The following EYA3 variants were observed in gnomAD, a reference collection of about 807,000 sequenced individuals.
EYA3 encodes the protein EYA transcriptional coactivator and phosphatase 3.
In EYA3, 39 loss-of-function variants were observed where a neutral mutation model predicts 80.0. That is an observed-to-expected ratio of 0.49 (90% confidence interval 0.38 to 0.64). EYA3 has a LOEUF of 0.64. EYA3 is among the 30% of genes least tolerant of loss of function. EYA3 has a pLI of 0.00. For synonymous variants in EYA3, 206 were observed against 232.8 expected (o/e 0.88, Z 1.05); for missense variants, 523 against 676.1 (o/e 0.77, Z 2.51).
intron 17 of EYA3, chr1:27,977,272 A>C (rs1475840065): frequency 2.6e-6 from 4 of 1,544,928 alleles, no homozygotes; most frequent in Non-Finnish European, 3.5e-6. Context: ...ATGCCAACTG[A>C]TTACCAATCT....
intron 10 of EYA3, among the ~76,000 whole-genome samples, chr1:28,005,588 G>GC (rs1488369404): frequency 6.6e-6 from 1 of 151,916 alleles, no homozygotes; most frequent in Non-Finnish European, 1.5e-5. Context: ...GGTGGTGCAT[G>GC]CCGGTAGTCC....
chr1:28,087,215 G>A (rs527474617), intron 1 of EYA3, among the ~76,000 whole-genome samples: 1 of 152,252 alleles, frequency 6.6e-6, no homozygotes, highest in African/African-American at 2.4e-5. Flanking sequence ...GGGAAAGGGA[G>A]CACTAACCAT....
intron 11 of EYA3, among the ~76,000 whole-genome samples, chr1:28,002,759 CTG>C (rs1640961437): frequency 6.6e-6 from 1 of 151,974 alleles, no homozygotes; most frequent in African/African-American, 2.4e-5. Flanking sequence ...CTGCAGTGAG[CTG>C]TGTTTGCGCC....
intron 2 of EYA3, among the ~76,000 whole-genome samples, chr1:28,053,026 C>A (rs963486584): frequency 6.6e-6 from 1 of 151,568 alleles, no homozygotes; most frequent in Admixed American, 6.6e-5. Flanking sequence ...TGGTGGCTCA[C>A]ACCTGTAATC....
At chr1:28,014,718 ACT>A (rs57378639) in intron 8 of EYA3, among the ~76,000 whole-genome samples, 35,130 of 150,084 alleles carry the variant, frequency 0.23, 4,206 homozygotes, top group Non-Finnish European at 0.27. Context: ...ACAGAGCAAG[ACT>A]CTGTCTCAAA....
intron 1 of EYA3, among the ~76,000 whole-genome samples, 195 bp from the exon 2 acceptor site, chr1:28,058,289 T>A (rs1447358343): frequency 2.0e-5 from 3 of 152,168 alleles, no homozygotes; most frequent in Non-Finnish European, 4.4e-5. Flanking sequence ...CACAATGACT[T>A]TTATAATACC....
chr1:28,087,524 T>C (rs1645700224), intron 1 of EYA3, among the ~76,000 whole-genome samples: 1 of 152,218 alleles, frequency 6.6e-6, no homozygotes, highest in Non-Finnish European at 1.5e-5. Context: ...ATTACTATAG[T>C]GAACTCTTCA....
At chr1:28,086,299 A>C (rs553487166) in intron 1 of EYA3, among the ~76,000 whole-genome samples, 1 of 152,036 alleles carries the variant, frequency 6.6e-6, no homozygotes, top group East Asian at 1.9e-4. Context: ...CTGTAACCTC[A>C]AAATCTTGGG....
At chr1:27,989,866 G>A (rs1639915767) in intron 14 of EYA3, 55 bp from the exon 15 acceptor site, 5 of 1,098,994 alleles carry the variant, frequency 4.5e-6, no homozygotes, top group African/African-American at 1.6e-5. Context: ...TTTGCTGACA[G>A]TGAGAAAGCA....
chr1:28,035,397 T>C, intron 6 of EYA3, 147 bp downstream of exon 6: 1 of 747,884 alleles, frequency 1.3e-6, no homozygotes, highest in South Asian at 2.1e-5. Flanking sequence ...GATTTTTTTA[T>C]TACATGCATC....
chr1:28,060,956 G>C (rs1315121344), intron 1 of EYA3, among the ~76,000 whole-genome samples: 1 of 152,210 alleles, frequency 6.6e-6, no homozygotes, highest in Non-Finnish European at 1.5e-5. Context: ...GGAGGTTTCA[G>C]TGAGCTGAGA....
chr1:27,975,094 T>C (rs547417528), intron 17 of EYA3, among the ~76,000 whole-genome samples: 4 of 152,208 alleles, frequency 2.6e-5, no homozygotes, highest in Non-Finnish European at 5.9e-5. Context: ...AGATGGAGAA[T>C]GTACAGATCT....
intron 7 of EYA3, 30 bp downstream of exon 7, chr1:28,027,759 T>A: frequency 6.2e-7 from 1 of 1,612,044 alleles, no homozygotes. Context: ...ATAATAATTT[T>A]AAAACACACA....
In EYA3 at chr1:28,013,284, G is replaced by A. The variant is rs1198120963; in HGVS notation, c.596C>T (p.Thr199Ile). 1.2e-6 allele frequency: 2 copies of A among 1,611,824 alleles called. No individual in the cohort carries two copies. The highest frequency in any genetic ancestry group is 2.2e-5 in the South Asian group (2 of 90,770). ...VASISNQDYP[T>I]YTILGQNQYQ... ...CTGATTCTGACCAAGAATAGTATAGGTGGGATAATCCTGCAGGCCAAAGGA... is the reference window on the plus strand; with the variant it reads ...CTGATTCTGACCAAGAATAGTATAGATGGGATAATCCTGCAGGCCAAAGGA... The change falls in exon 9 of 18, where the codon ACC (threonine) becomes ATC (isoleucine). Residue 199 changes from threonine (T) to isoleucine (I), a missense_variant. Physicochemically the swap from Thr to Ile is moderately conservative, Grantham distance 89. This residue lies in a region of EYA3 where 304 missense variants were observed against 343.3 expected (regional missense o/e 0.89). Transcript: ENST00000373871. The surrounding 1 kb of genome is among the most constrained non-coding windows in gnomAD (Gnocchi z 4.0).
chr1:28,033,856 C>T (rs1221337442), intron 6 of EYA3, among the ~76,000 whole-genome samples: 1 of 150,912 alleles, frequency 6.6e-6, no homozygotes, highest in African/African-American at 2.4e-5. Flanking sequence ...AACAGGGTTT[C>T]ACCATGTTGG....
intron 1 of EYA3, among the ~76,000 whole-genome samples, chr1:28,069,268 A>G (rs1248747357): frequency 6.6e-6 from 1 of 150,722 alleles, no homozygotes; most frequent in African/African-American, 2.4e-5. Context: ...ATGCCACCAC[A>G]CTCGGCTAAT....
At chr1:28,038,421 C>A (rs1243294705) in intron 5 of EYA3, among the ~76,000 whole-genome samples, 8 of 107,230 alleles carry the variant, frequency 7.5e-5, no homozygotes, top group Admixed American at 1.3e-4. Context: ...GGGCAACAAA[C>A]AGAGTGAGAT....
intron 5 of EYA3, among the ~76,000 whole-genome samples, chr1:28,037,353 T>C (rs1643514543): frequency 6.6e-6 from 1 of 152,222 alleles, no homozygotes; most frequent in South Asian, 2.1e-4. Flanking sequence ...AATGAATAAA[T>C]GAATTTGGAA....
rs1486238924 is a variant in EYA3 at position 28,009,592 on chromosome 1, G to A, written c.909+1355C>T. 1.3e-5 allele frequency among the ~76,000 whole-genome samples: 2 copies of A among 152,074 alleles called. No individual in the cohort carries two copies. The highest frequency in any genetic ancestry group is 6.5e-5 in the Admixed American group (1 of 15,268). On this transcript the variant is annotated intron_variant, in intron 10 of 17. Transcript: ENST00000373871. This position sits in a 1 kb window ranked among gnomAD's most constrained non-coding sequence, Gnocchi z 4.8. ...TTGAACCCGGGAGGCAGAGGTCACG[G>A]TAAGCCGAGATCGTGCCACTGCACT...
Sources: allele counts gnomAD v4.1 joint callset (sites outside exome capture counted in the v4.1 genomes callset), GRCh38; gene constraint gnomAD v4.1.1; regional missense constraint gnomAD v4.1.1; non-coding constraint Gnocchi (gnomAD v3.1); transcripts MANE v1.5; gene names NCBI Gene and HGNC (gene_info 2026-07-23, HGNC 2026-07-21).